Variants in CAMK1D observed in about 807,000 individuals in gnomAD.
CAMK1D encodes the protein calcium/calmodulin dependent protein kinase ID.
A neutral mutation model predicts 47.7 loss-of-function variants in CAMK1D; 9 were observed. That is an observed-to-expected ratio of 0.19 (90% CI 0.11 to 0.33). The LOEUF (loss-of-function observed/expected upper bound fraction) is 0.33, where lower values mean the gene tolerates loss of function less well. Among genes scored for constraint, CAMK1D ranks in the 10% least tolerant of loss-of-function variants. CAMK1D has a pLI of 1.00. For missense variants in CAMK1D, 291 were observed against 488.7 expected, an observed-to-expected ratio of 0.60 and a Z score of 3.81; for synonymous variants, 184 against 184.9, an observed-to-expected ratio of 0.99 and a Z score of 0.04.
intron 1 of CAMK1D, among the ~76,000 whole-genome samples, chr10:12,537,413 T>A (rs1836010762): frequency 6.6e-6 from 1 of 152,228 alleles, no homozygotes; most frequent in African/African-American, 2.4e-5. Context: ...TAAAATGTAA[T>A]TTAACAGGTA....
intron 2 of CAMK1D, among the ~76,000 whole-genome samples, chr10:12,608,310 C>T (rs576404924): frequency 1.3e-4 from 20 of 151,938 alleles, no homozygotes; most frequent in South Asian, 8.3e-4. Context: ...CTCTGCTACT[C>T]GGTAGGCTGA....
intron 2 of CAMK1D, among the ~76,000 whole-genome samples, chr10:12,659,278 C>G (rs1840205894): frequency 6.6e-6 from 1 of 152,156 alleles, no homozygotes; most frequent in South Asian, 2.1e-4. Flanking sequence ...GGATTTCATG[C>G]TAAGAAGTTT....
At chr10:12,714,413 T>C (rs1588838472) in intron 3 of CAMK1D, among the ~76,000 whole-genome samples, 1 of 151,690 alleles carries the variant, frequency 6.6e-6, no homozygotes, top group East Asian at 1.9e-4. Context: ...AAAGTATATT[T>C]ATATATTTAT....
At chr10:12,812,861 A>G (rs1199692394) in intron 6 of CAMK1D, among the ~76,000 whole-genome samples, 1 of 152,156 alleles carries the variant, frequency 6.6e-6, no homozygotes, top group Non-Finnish European at 1.5e-5. Context: ...GCCAAACTGA[A>G]TCATAGAGCC....
chr10:12,649,102 A>C (rs530171043), intron 2 of CAMK1D, among the ~76,000 whole-genome samples: 1 of 152,178 alleles, frequency 6.6e-6, no homozygotes. Flanking sequence ...TCCTGGCTTC[A>C]AGCAGGCCTC....
intron 1 of CAMK1D, among the ~76,000 whole-genome samples, chr10:12,401,895 CTATA>C (rs10635900): frequency 1.4e-5 from 2 of 146,038 alleles, no homozygotes; most frequent in African/African-American, 5.0e-5. Flanking sequence ...TATTCTCAGA[CTATA>C]TATATATATA....
intron 8 of CAMK1D, among the ~76,000 whole-genome samples, 187 bp downstream of exon 8, chr10:12,816,515 A>T (rs1048570845): frequency 6.6e-6 from 1 of 152,082 alleles, no homozygotes; most frequent in African/African-American, 2.4e-5. Context: ...CCCAGGACAC[A>T]GCTTCTGGAA....
intron 1 of CAMK1D, among the ~76,000 whole-genome samples, chr10:12,531,799 G>C (rs996883468): frequency 6.6e-6 from 1 of 152,244 alleles, no homozygotes; most frequent in Non-Finnish European, 1.5e-5. Context: ...TTCTCTCTGG[G>C]TTGGTCACAA....
At chr10:12,784,486 C>T (rs991716310) in intron 5 of CAMK1D, among the ~76,000 whole-genome samples, 3 of 151,950 alleles carry the variant, frequency 2.0e-5, no homozygotes, top group African/African-American at 4.8e-5. Flanking sequence ...GCGTGAGCCA[C>T]CGTGCCGGCC....
intron 3 of CAMK1D, among the ~76,000 whole-genome samples, chr10:12,682,764 A>C (rs1324608099): frequency 6.6e-6 from 1 of 152,226 alleles, no homozygotes; most frequent in Non-Finnish European, 1.5e-5. Context: ...GTTTAGAAAC[A>C]TATAAATTAA....
intron 3 of CAMK1D, among the ~76,000 whole-genome samples, chr10:12,735,435 G>A (rs183678630): frequency 3.3e-5 from 5 of 152,238 alleles, no homozygotes; most frequent in Admixed American, 1.3e-4. Flanking sequence ...CCGAGATTGC[G>A]CCACTGCACT....
intron 3 of CAMK1D, among the ~76,000 whole-genome samples, chr10:12,749,843 TTCG>T (rs1835868235): frequency 1.3e-5 from 1 of 79,496 alleles, no homozygotes; most frequent in African/African-American, 9.5e-5. Flanking sequence ...GCCTGCTTCG[TTCG>T]GCCTCCCAAA....
chr10:12,374,272 A>G (rs981577672), intron 1 of CAMK1D, among the ~76,000 whole-genome samples: 2 of 151,220 alleles, frequency 1.3e-5, no homozygotes, highest in Non-Finnish European at 2.9e-5. Context: ...AAAAAAAAAA[A>G]AAAAAAAAGA....
intron 2 of CAMK1D, among the ~76,000 whole-genome samples, chr10:12,627,878 G>A (rs1839267452): frequency 1.3e-5 from 2 of 152,088 alleles, no homozygotes; most frequent in South Asian, 4.2e-4. Context: ...AGGAGATCAA[G>A]ACCATCCTGG....
At chr10:12,707,513 G>T (rs1387801318) in intron 3 of CAMK1D, among the ~76,000 whole-genome samples, 1 of 152,226 alleles carries the variant, frequency 6.6e-6, no homozygotes, top group African/African-American at 2.4e-5. Context: ...CAGCAAGGCA[G>T]GTGGCCAAAG....
chr10:12,380,004 G>C (rs1330444938), intron 1 of CAMK1D, among the ~76,000 whole-genome samples: 4 of 151,140 alleles, frequency 2.6e-5, no homozygotes, highest in African/African-American at 9.7e-5. Flanking sequence ...CATGAGGTCA[G>C]GAGATCGAGA....
chr10:12,551,309 T>G (rs1836569417), intron 1 of CAMK1D, among the ~76,000 whole-genome samples: 1 of 152,194 alleles, frequency 6.6e-6, no homozygotes, highest in Non-Finnish European at 1.5e-5. Flanking sequence ...ACACTCTTTA[T>G]GAGAATCTAA....
chr10:12,373,802 C>T (rs140833270), intron 1 of CAMK1D, among the ~76,000 whole-genome samples: 9 of 151,582 alleles, frequency 5.9e-5, no homozygotes, highest in African/African-American at 1.9e-4. Flanking sequence ...AGTCCAGATG[C>T]GGTGGCTCAC....
At position 12,827,530 on chromosome 10, in the gene CAMK1D, CTTTCTTTCT is replaced by C. The variant is rs1833294170; in HGVS notation, c.1040-1232_1040-1224del. Among the ~76,000 whole-genome samples the C allele has an allele frequency of 7.7e-5, 2 of 26,096 alleles. 1 individual carries two copies. The highest frequency in any genetic ancestry group is 2.9e-4 in the African/African-American group (2 of 6,948). 17.1% of individuals were successfully genotyped at this position (26,096 alleles called of 152,430 possible). A position where few individuals can be genotyped will look rare whatever the true frequency, so the allele number is the denominator to read the frequency against. On this transcript the variant is annotated intron_variant, in intron 10 of 10. Transcript: ENST00000619168. ...TCTTTCTTTCTTTCTTTCTTTCTTT[CTTTCTTTCT>C]TTTCTTGTCTTTCTTCTCCTCTCCT...
Sources: gnomAD v4.1 joint callset for allele counts (sites outside exome capture counted in the v4.1 genomes callset) on GRCh38, gnomAD v4.1.1 for gene constraint, MANE v1.5 for transcripts, NCBI Gene and HGNC (gene_info 2026-07-23, HGNC 2026-07-21) for gene names.